Variants in TXNRD2 observed in about 807,000 individuals in gnomAD.
The protein encoded by TXNRD2 is thioredoxin reductase 2, mitochondrial.
TXNRD2 carries 67 observed loss-of-function variants against 70.8 expected under a neutral mutation model. The observed-to-expected ratio is 0.95, with a 90% confidence interval of 0.78 to 1.16. The LOEUF is 1.16. TXNRD2 is among the 50% of genes most tolerant of loss of function. TXNRD2 has a pLI of 0.00. For synonymous variants in TXNRD2, 301 were observed against 295.8 expected, an observed-to-expected ratio of 1.02 and a Z score of -0.18; for missense variants, 644 against 719.9, an observed-to-expected ratio of 0.89 and a Z score of 1.21.
At chr22:19,918,298 A>C in intron 4 of TXNRD2, 81 bp from the exon 5 acceptor site, 1 of 1,220,176 alleles carries the variant, frequency 8.2e-7, no homozygotes, top group Non-Finnish European at 1.2e-6. Context: ...TTAGATTCAA[A>C]TGGTACATTC....
At chr22:19,931,455 T>C (rs1407824469) in intron 1 of TXNRD2, among the ~76,000 whole-genome samples, 5 of 152,102 alleles carry the variant, frequency 3.3e-5, no homozygotes, top group Non-Finnish European at 5.9e-5. Flanking sequence ...ACCCAGAAGA[T>C]TGTAGTCCAC....
intron 16 of TXNRD2, 152 bp from the exon 17 acceptor site, chr22:19,877,386 C>T (rs567335474): frequency 8.7e-6 from 6 of 691,652 alleles, no homozygotes; most frequent in East Asian, 8.3e-5. Flanking sequence ...TGCCCACACC[C>T]GTGGGTGCCA....
At chr22:19,932,078 G>A (rs9605029) in intron 1 of TXNRD2, among the ~76,000 whole-genome samples, 43,757 of 149,506 alleles carry the variant, frequency 0.29, 7,347 homozygotes, top group East Asian at 0.6. Flanking sequence ...GGAGAATGGC[G>A]TGAACCCGGG....
At chr22:19,890,176 T>C (rs1200462721) in intron 11 of TXNRD2, among the ~76,000 whole-genome samples, 1 of 152,162 alleles carries the variant, frequency 6.6e-6, no homozygotes, top group Non-Finnish European at 1.5e-5. Flanking sequence ...CCAACAGTGC[T>C]GTCTCAGGAG....
intron 1 of TXNRD2, among the ~76,000 whole-genome samples, chr22:19,931,822 G>C (rs534696925): frequency 6.6e-6 from 1 of 151,934 alleles, no homozygotes; most frequent in African/African-American, 2.4e-5. Flanking sequence ...TCAAGTCCAC[G>C]TGCCTTTCAG....
intron 15 of TXNRD2, 30 bp from the exon 16 acceptor site, chr22:19,878,217 C>G (rs1938597808): frequency 1.2e-6 from 2 of 1,608,728 alleles, no homozygotes; most frequent in South Asian, 1.1e-5. Context: ...GCCACCAGCC[C>G]AGGAGGGGGC....
intron 11 of TXNRD2, among the ~76,000 whole-genome samples, chr22:19,890,152 G>A (rs1157094823): frequency 6.6e-6 from 1 of 152,186 alleles, no homozygotes; most frequent in African/African-American, 2.4e-5. Context: ...GCACCACCAT[G>A]AGCTAGGGCT....
At chr22:19,931,671 A>AC (rs1241042997) in intron 1 of TXNRD2, among the ~76,000 whole-genome samples, 1 of 151,990 alleles carries the variant, frequency 6.6e-6, no homozygotes, top group Non-Finnish European at 1.5e-5. Context: ...GTCCAGCTAA[A>AC]TTTTTTTGTT....
chr22:19,913,419 T>C (rs1423055869), intron 7 of TXNRD2, among the ~76,000 whole-genome samples: 1 of 151,746 alleles, frequency 6.6e-6, no homozygotes, highest in Non-Finnish European at 1.5e-5. Context: ...AGCTGGGGTC[T>C]TTCAAAGCCC....
intron 2 of TXNRD2, among the ~76,000 whole-genome samples, chr22:19,924,277 C>A (rs1206292915): frequency 1.3e-5 from 2 of 152,218 alleles, no homozygotes; most frequent in Middle Eastern, 3.4e-3. Flanking sequence ...AACCTTGATC[C>A]AAGCGAGGCT....
At chr22:19,933,310 C>A in intron 1 of TXNRD2, 1 of 508,844 alleles carries the variant, frequency 2.0e-6, no homozygotes, top group Non-Finnish European at 3.6e-6. Flanking sequence ...TCTAGAGAAC[C>A]AAGGACTGCT....
intron 9 of TXNRD2, 69 bp from the exon 10 acceptor site, chr22:19,898,199 C>T: frequency 7.0e-7 from 1 of 1,419,878 alleles, no homozygotes; most frequent in Non-Finnish European, 9.7e-7. Flanking sequence ...ACCCCAGGGC[C>T]CTGTGCCACA....
At chr22:19,894,448 A>C (rs982916476) in intron 11 of TXNRD2, 1 of 152,806 alleles carries the variant, frequency 6.5e-6, no homozygotes, top group African/African-American at 2.4e-5. Flanking sequence ...TTTCAAATCC[A>C]TATCATTTTT....
In TXNRD2 at chr22:19,922,699, T is replaced by C. The variant is rs947300949; in HGVS notation, c.173-3100A>G. On this transcript the variant is annotated intron_variant, in intron 2 of 17. Coordinates refer to ENST00000400521, the MANE Select transcript of TXNRD2 (RefSeq NM_006440.5). Reference sequence around the variant, plus strand: ...GTGTGGGAAGGATCTTTTTTTCTCTTTTTTTGAGATGGAGTCTAGCTCTGT... The same window carrying C: ...GTGTGGGAAGGATCTTTTTTTCTCTCTTTTTGAGATGGAGTCTAGCTCTGT... 3.3e-5 allele frequency among the ~76,000 whole-genome samples: 5 copies of C among 152,176 alleles called. No homozygotes were observed. The South Asian group carries it at 1.0e-3, about 32-fold the overall frequency.
At chr22:19,892,909 T>A (rs1042513856) in intron 11 of TXNRD2, among the ~76,000 whole-genome samples, 24 of 152,240 alleles carry the variant, frequency 1.6e-4, no homozygotes, top group African/African-American at 5.5e-4. Flanking sequence ...CATAATAAAC[T>A]TACTTAAAAT....
At chr22:19,882,468 G>T (rs1189670863) in intron 12 of TXNRD2, among the ~76,000 whole-genome samples, 1 of 152,060 alleles carries the variant, frequency 6.6e-6, no homozygotes, top group Admixed American at 6.5e-5. Flanking sequence ...CAAAGTGCTG[G>T]GATTACAAGC....
At chr22:19,935,911 G>A (rs531317320) in intron 1 of TXNRD2, among the ~76,000 whole-genome samples, 1 of 152,310 alleles carries the variant, frequency 6.6e-6, no homozygotes, top group Non-Finnish European at 1.5e-5. Flanking sequence ...TGAGTTGTCT[G>A]TGTATTCTCC....
chr22:19,929,325 T>C (rs1208369174), intron 2 of TXNRD2, among the ~76,000 whole-genome samples: 1 of 100,936 alleles, frequency 9.9e-6, no homozygotes, highest in East Asian at 2.4e-4. Context: ...AGACTCCATC[T>C]CAAAAAAAAA....
intron 1 of TXNRD2, among the ~76,000 whole-genome samples, chr22:19,933,716 C>T (rs1028100937): frequency 1.3e-5 from 2 of 152,176 alleles, no homozygotes; most frequent in Non-Finnish European, 2.9e-5. Flanking sequence ...GGAAGGACCC[C>T]AAAGTACCTC....
Sources: gnomAD v4.1 joint callset for allele counts (sites outside exome capture counted in the v4.1 genomes callset) on GRCh38, gnomAD v4.1.1 for gene constraint, MANE v1.5 for transcripts, NCBI Gene and HGNC (gene_info 2026-07-23, HGNC 2026-07-21) for gene names.